DEPTOR: variants seen among roughly 807,000 people sequenced by gnomAD.
DEPTOR encodes the protein DEP domain containing MTOR interacting protein, also known as DEP domain-containing mTOR-interacting protein.
In DEPTOR, 41 loss-of-function variants were observed where a neutral mutation model predicts 41.6. That is an observed-to-expected ratio of 0.98 (90% CI 0.77 to 1.28). DEPTOR has a LOEUF of 1.28. Among genes scored for constraint, DEPTOR ranks in the 50% most tolerant of loss-of-function variants. The pLI is 0.00. For synonymous variants in DEPTOR, 195 were observed against 192.3 expected (o/e 1.01, Z -0.12); for missense variants, 514 against 527.9 (o/e 0.97, Z 0.26).
chr8:120,047,090 C>T (rs1178834674), intron 8 of DEPTOR, among the ~76,000 whole-genome samples: 2 of 152,130 alleles, frequency 1.3e-5, no homozygotes, highest in African/African-American at 4.8e-5. Flanking sequence ...GTGGCAGAAT[C>T]TCGGCCCACT....
At chr8:119,889,953 GTTGTTTTGTT>G (rs532225280) in intron 1 of DEPTOR, among the ~76,000 whole-genome samples, 5 of 151,992 alleles carry the variant, frequency 3.3e-5, no homozygotes, top group South Asian at 2.1e-4. Context: ...CTTTTTTGTT[GTTGTTTTGTT>G]TTGTTTTGTT....
At chr8:119,947,400 C>T (rs965255548) in intron 3 of DEPTOR, among the ~76,000 whole-genome samples, 2 of 152,168 alleles carry the variant, frequency 1.3e-5, no homozygotes, top group African/African-American at 4.8e-5. Flanking sequence ...TTCCTTTCTC[C>T]TAGTCCATGC....
chr8:120,009,177 T>A lies in DEPTOR; in HGVS notation c.1101+44T>A, dbSNP rs6998857. ...CACCCTCTTTTATATCTGTCTTGGG[T>A]TCTTCATGCTAAATTGGCCATGATT... On this transcript the variant is annotated intron_variant, in intron 8 of 8. Transcript: ENST00000286234. 8,311 of 1,545,758 alleles carry A rather than the reference T, an allele frequency of 5.4e-3. 307 individuals are homozygous for A. The African/African-American group carries it at 0.09, about 17-fold the overall frequency.
chr8:119,996,096 G>A lies in DEPTOR; in HGVS notation c.605-5429G>A, dbSNP rs931609853. 6.6e-5 allele frequency among the ~76,000 whole-genome samples: 10 copies of A among 152,254 alleles called. No homozygotes were observed. In the South Asian group the frequency reaches 1.5e-3, roughly 22 times the overall value. ...TCACTTTTGTATGCTGAGAGAACTC[G>A]ATTCCATCTGTGCCAGCCACACAGC... On this transcript the variant is annotated intron_variant, in intron 4 of 8. Transcript: ENST00000286234.
At chr8:120,040,592 G>A (rs1813053564) in intron 8 of DEPTOR, among the ~76,000 whole-genome samples, 1 of 152,124 alleles carries the variant, frequency 6.6e-6, no homozygotes, top group Admixed American at 6.6e-5. Context: ...TGGTTTGAGA[G>A]CCACTTTTTT....
At chr8:119,919,778 G>C (rs1563965731) in intron 1 of DEPTOR, among the ~76,000 whole-genome samples, 2 of 152,184 alleles carry the variant, frequency 1.3e-5, no homozygotes, top group Non-Finnish European at 2.9e-5. Flanking sequence ...GTTTACTTTG[G>C]CTGAGATTTA....
chr8:119,894,411 T>TATTTA (rs376711018), intron 1 of DEPTOR, among the ~76,000 whole-genome samples: 2 of 150,190 alleles, frequency 1.3e-5, no homozygotes, highest in East Asian at 2.0e-4. Flanking sequence ...TTTATTTATT[T>TATTTA]TTTGAGACAG....
chr8:119,950,771 T>C (rs1179838944), intron 3 of DEPTOR, among the ~76,000 whole-genome samples: 2 of 152,080 alleles, frequency 1.3e-5, no homozygotes, highest in Non-Finnish European at 2.9e-5. Flanking sequence ...ATTATTTTTG[T>C]ATTTTTAGTA....
chr8:120,030,778 G>A (rs183861082), intron 8 of DEPTOR, among the ~76,000 whole-genome samples: 1 of 151,828 alleles, frequency 6.6e-6, no homozygotes, highest in Non-Finnish European at 1.5e-5. Flanking sequence ...ACCGGTGTAA[G>A]CCGCCATGCC....
intron 8 of DEPTOR, among the ~76,000 whole-genome samples, chr8:120,012,019 A>T (rs778644717): frequency 2.0e-5 from 3 of 152,196 alleles, no homozygotes; most frequent in Non-Finnish European, 2.9e-5. Context: ...CCCCTCTTAG[A>T]AATTTACAAA....
intron 4 of DEPTOR, among the ~76,000 whole-genome samples, chr8:119,981,153 C>T (rs1344638166): frequency 6.6e-6 from 1 of 152,152 alleles, no homozygotes; most frequent in Non-Finnish European, 1.5e-5. Flanking sequence ...AGAAACAATT[C>T]CTGTGCTTGT....
chr8:120,025,603 C>A (rs1015706153), intron 8 of DEPTOR, among the ~76,000 whole-genome samples: 4 of 152,200 alleles, frequency 2.6e-5, no homozygotes, highest in African/African-American at 9.6e-5. Flanking sequence ...TTGCCATCCA[C>A]CCAGTTACTG....
intron 8 of DEPTOR, among the ~76,000 whole-genome samples, chr8:120,038,606 A>G (rs1179447984): frequency 6.6e-6 from 1 of 151,822 alleles, no homozygotes; most frequent in Non-Finnish European, 1.5e-5. Flanking sequence ...AAAAAAAAAA[A>G]AAAGAAAAAA....
intron 3 of DEPTOR, among the ~76,000 whole-genome samples, chr8:119,931,608 T>A (rs937775385): frequency 6.6e-6 from 1 of 152,148 alleles, no homozygotes; most frequent in Non-Finnish European, 1.5e-5. Context: ...CTCCGTTTCT[T>A]GAGGTGGAAT....
intron 3 of DEPTOR, among the ~76,000 whole-genome samples, chr8:119,943,333 C>T (rs1304039314): frequency 6.6e-6 from 1 of 152,182 alleles, no homozygotes; most frequent in Non-Finnish European, 1.5e-5. Context: ...ACTCACAGTT[C>T]TGCATGACTG....
At chr8:120,005,852 G>C (rs1189744924) in intron 6 of DEPTOR, among the ~76,000 whole-genome samples, 1 of 152,162 alleles carries the variant, frequency 6.6e-6, no homozygotes, top group African/African-American at 2.4e-5. Flanking sequence ...ATGTGAACGG[G>C]TGTCTCAGGA....
chr8:119,941,293 A>G (rs773126513), intron 3 of DEPTOR, among the ~76,000 whole-genome samples: 9 of 150,590 alleles, frequency 6.0e-5, no homozygotes, highest in Non-Finnish European at 1.3e-4. Flanking sequence ...GAATCACTTG[A>G]ACCTGGGAGG....
chr8:119,875,330 A>G (rs1172800684), intron 1 of DEPTOR, among the ~76,000 whole-genome samples: 2 of 152,100 alleles, frequency 1.3e-5, no homozygotes, highest in African/African-American at 2.4e-5. Flanking sequence ...AGTTGGGTAG[A>G]TGATGGATAG....
intron 1 of DEPTOR, among the ~76,000 whole-genome samples, chr8:119,894,577 T>C (rs1403792066): frequency 6.6e-6 from 1 of 151,956 alleles, no homozygotes. Flanking sequence ...TTTGTATTTT[T>C]AGTAGAGGCA....
Sources: allele counts gnomAD v4.1 joint callset (sites outside exome capture counted in the v4.1 genomes callset), GRCh38; gene constraint gnomAD v4.1.1; transcripts MANE v1.5; gene names NCBI Gene and HGNC (gene_info 2026-07-23, HGNC 2026-07-21).